The following SFXN1 variants were observed in gnomAD, a reference collection of about 807,000 sequenced individuals.
SFXN1 encodes the protein sideroflexin-1.
A neutral mutation model predicts 39.5 loss-of-function variants in SFXN1; 32 were observed. The ratio of observed to expected loss-of-function variants is 0.81; its 90% CI spans 0.61 to 1.09. The LOEUF is 1.09. SFXN1 is among the 50% of genes least tolerant of loss of function. SFXN1 has a pLI of 0.00. For missense variants in SFXN1, 402 were observed against 407.1 expected (o/e 0.99, Z 0.11); for synonymous variants, 136 against 146.5 (o/e 0.93, Z 0.52).
chr5:175,492,516 A>G, intron 2 of SFXN1: 2 of 309,736 alleles, frequency 6.5e-6, no homozygotes, highest in South Asian at 7.9e-5. Context: ...GTAGATACCA[A>G]TCCCTTTCTC....
intron 2 of SFXN1, among the ~76,000 whole-genome samples, chr5:175,496,993 A>G (rs1016206379): frequency 1.3e-5 from 2 of 151,964 alleles, no homozygotes; most frequent in African/African-American, 2.4e-5. Flanking sequence ...GGTTCAAGCA[A>G]TTCTCCCTGC....
At chr5:175,511,622 A>G (rs1760519574) in intron 5 of SFXN1, 96 bp downstream of exon 5, 2 of 958,042 alleles carry the variant, frequency 2.1e-6, no homozygotes, top group South Asian at 1.4e-5. Flanking sequence ...AGTTCAAGTC[A>G]TATGGCTTTC....
chr5:175,489,270 TGTATGATTAC>T (rs1249498517), intron 1 of SFXN1, among the ~76,000 whole-genome samples: 1 of 152,248 alleles, frequency 6.6e-6, no homozygotes, highest in Non-Finnish European at 1.5e-5. Context: ...CTTATTCTGT[TGTATGATTAC>T]GTATGATTAC....
intron 1 of SFXN1, chr5:175,484,285 A>C (rs1446238878): frequency 6.6e-6 from 1 of 152,226 alleles, no homozygotes; most frequent in Non-Finnish European, 1.5e-5. Context: ...AGGGGCCATA[A>C]TTTGCCAGAT....
rs917694439 is a variant in SFXN1, at chr5:175,527,077, A to G, written c.*343A>G. The G allele has an allele frequency of 5.3e-5, 11 of 206,228 alleles. No individual in the cohort carries two copies. The highest frequency in any genetic ancestry group is 2.1e-4 in the African/African-American group (9 of 43,494). The allele number at this position is 206,228 out of a possible 1,614,324, so 12.8% of individuals were successfully genotyped here. ...TCAGTATATGGTCAGTAAATGTTCT[A>G]TTGATTATCAATCAGTGAAAAAAGA... On this transcript the variant is annotated 3_prime_UTR_variant, in exon 11 of 11. Coordinates refer to ENST00000321442, the MANE Select transcript of SFXN1 (RefSeq NM_022754.7).
chr5:175,484,410 A>G (rs904512926), intron 1 of SFXN1, among the ~76,000 whole-genome samples: 1 of 151,914 alleles, frequency 6.6e-6, no homozygotes, highest in Non-Finnish European at 1.5e-5. Context: ...CCGCCCCACA[A>G]CCCGGCCCTC....
intron 2 of SFXN1, among the ~76,000 whole-genome samples, chr5:175,502,321 G>A (rs1003202946): frequency 2.0e-4 from 30 of 152,164 alleles, no homozygotes; most frequent in African/African-American, 7.2e-4. Flanking sequence ...CTGGACCCCA[G>A]GCAAGAAGGG....
chr5:175,501,063 ATTTT>A lies in SFXN1; in HGVS notation c.165-7949_165-7946del, dbSNP rs531862744. Among the ~76,000 whole-genome samples the A allele has an allele frequency of 5.3e-3, 614 of 116,058 alleles. 1 individual carries two copies. Among genetic ancestry groups the A allele is most frequent in the African/African-American group, 0.02 (540 of 27,530 alleles). The allele number at this position is 116,058 out of a possible 152,430, so 76.1% of individuals were successfully genotyped here. A position where few individuals can be genotyped will look rare whatever the true frequency, so the allele number is the denominator to read the frequency against. ...CTTTATGACTTTGATATGGGCAAAG[ATTTT>A]TTTTTTTTTTTTTTTTTTTGAGACA... On this transcript the variant is annotated intron_variant, in intron 2 of 10. Transcript: ENST00000321442.
intron 10 of SFXN1, chr5:175,522,937 A>G (rs1760927421): frequency 6.6e-6 from 1 of 152,614 alleles, no homozygotes; most frequent in South Asian, 2.1e-4. Context: ...CTGGCGTTAA[A>G]TCGGCATTTT....
chr5:175,479,325 G>A (rs1759144720), intron 1 of SFXN1, among the ~76,000 whole-genome samples: 1 of 152,186 alleles, frequency 6.6e-6, no homozygotes, highest in Admixed American at 6.5e-5. Context: ...TTCCGGCCCT[G>A]CGAGGTACTG....
At chr5:175,483,932 C>A (rs905290604) in intron 1 of SFXN1, 2 of 152,284 alleles carry the variant, frequency 1.3e-5, no homozygotes, top group African/African-American at 4.8e-5. Context: ...AGCTGATGAA[C>A]CCACACACTC....
intron 7 of SFXN1, among the ~76,000 whole-genome samples, chr5:175,516,282 G>T (rs1345355838): frequency 1.3e-5 from 2 of 152,062 alleles, no homozygotes; most frequent in Non-Finnish European, 2.9e-5. Context: ...TCCCTGCCTT[G>T]TGCCCTTTGT....
At chr5:175,496,392 G>C (rs981664006) in intron 2 of SFXN1, among the ~76,000 whole-genome samples, 1 of 151,620 alleles carries the variant, frequency 6.6e-6, no homozygotes, top group African/African-American at 2.4e-5. Context: ...AATAGTAATA[G>C]CTATCTGAAT....
At chr5:175,501,320 G>A (rs563361308) in intron 2 of SFXN1, among the ~76,000 whole-genome samples, 2 of 152,036 alleles carry the variant, frequency 1.3e-5, no homozygotes, top group Admixed American at 6.5e-5. Flanking sequence ...CGCCCGCCTC[G>A]GCCCCCGAAA....
chr5:175,480,274 G>T (rs1225599529), intron 1 of SFXN1, among the ~76,000 whole-genome samples: 1 of 152,090 alleles, frequency 6.6e-6, no homozygotes, highest in Non-Finnish European at 1.5e-5. Flanking sequence ...GGTTGCGGGC[G>T]CCTGTAGTCC....
At chr5:175,485,645 T>C (rs186217831) in intron 1 of SFXN1, among the ~76,000 whole-genome samples, 11 of 152,360 alleles carry the variant, frequency 7.2e-5, no homozygotes, top group African/African-American at 2.6e-4. Context: ...AATAAATAGA[T>C]ACTAAAGATA....
chr5:175,499,170 G>A (rs756473944), intron 2 of SFXN1, among the ~76,000 whole-genome samples: 3 of 151,924 alleles, frequency 2.0e-5, no homozygotes, highest in Non-Finnish European at 4.4e-5. Flanking sequence ...CAGGAGAATT[G>A]CTTGTACCCA....
At chr5:175,488,595 G>A (rs552975315) in intron 1 of SFXN1, among the ~76,000 whole-genome samples, 87 of 152,126 alleles carry the variant, frequency 5.7e-4, no homozygotes, top group African/African-American at 1.9e-3. Flanking sequence ...CACCACGCCC[G>A]GCCGACACCA....
At chr5:175,504,416 AAC>A (rs111410028) in intron 2 of SFXN1, among the ~76,000 whole-genome samples, 12,933 of 151,832 alleles carry the variant, frequency 0.085, 601 homozygotes, top group Admixed American at 0.11. Flanking sequence ...CTCTACTACA[AAC>A]ACAAAAACTA....
Sources: allele counts gnomAD v4.1 joint callset (sites outside exome capture counted in the v4.1 genomes callset), GRCh38; gene constraint gnomAD v4.1.1; transcripts MANE v1.5; gene names NCBI Gene and HGNC (gene_info 2026-07-23, HGNC 2026-07-21).